The following ZFHX3 variants were observed in gnomAD, a reference collection of about 807,000 sequenced individuals.
ZFHX3 encodes zinc finger homeobox 3.
Under a neutral mutation model 279.1 loss-of-function variants are expected in ZFHX3, and 42 were observed. That is an observed-to-expected ratio of 0.15 (90% CI 0.12 to 0.19). The LOEUF is 0.19. Among genes scored for constraint, ZFHX3 ranks in the 10% least tolerant of loss-of-function variants. The pLI, the probability that ZFHX3 is intolerant of heterozygous loss-of-function variation, is 1.00. For missense variants in ZFHX3, 4,981 were observed against 4,754.0 expected (o/e 1.05, Z -1.40); for synonymous variants, 2,293 against 1,957.8 (o/e 1.17, Z -4.52).
At chr16:73,719,318 C>T (rs1180939850) in intron 1 of ZFHX3, among the ~76,000 whole-genome samples, 2 of 152,186 alleles carry the variant, frequency 1.3e-5, no homozygotes, top group Non-Finnish European at 2.9e-5. Context: ...TGTCTCTTCT[C>T]ACGCTGGCCC....
chr16:73,453,401 C>T (rs531429464), intron 3 of ZFHX3, among the ~76,000 whole-genome samples: 58 of 152,300 alleles, frequency 3.8e-4, no homozygotes, highest in African/African-American at 1.3e-3. Context: ...CCTCTTCCCT[C>T]AACATGGAAC....
At chr16:72,919,601 C>A (rs894545663) in intron 3 of ZFHX3, among the ~76,000 whole-genome samples, 1 of 151,768 alleles carries the variant, frequency 6.6e-6, no homozygotes, top group Non-Finnish European at 1.5e-5. Context: ...ATGTATAAAT[C>A]ATCACATTCT....
At chr16:73,692,180 C>A (rs1381659702) in intron 1 of ZFHX3, among the ~76,000 whole-genome samples, 2 of 152,130 alleles carry the variant, frequency 1.3e-5, no homozygotes, top group Non-Finnish European at 2.9e-5. Context: ...TGATTCTGTC[C>A]TGGACTTAGT....
intron 2 of ZFHX3, among the ~76,000 whole-genome samples, chr16:73,611,081 TTC>T (rs752988234): frequency 1.1e-3 from 168 of 152,338 alleles, no homozygotes; most frequent in Non-Finnish European, 1.5e-3. Flanking sequence ...GATTAAACCT[TTC>T]TGTTTGTTTG....
chr16:73,265,529 C>G (rs1020508602), intron 4 of ZFHX3, among the ~76,000 whole-genome samples: 2 of 152,094 alleles, frequency 1.3e-5, no homozygotes, highest in Non-Finnish European at 2.9e-5. Context: ...TTGGAATAAG[C>G]TGAGATGCAT....
At chr16:73,783,003 C>T (rs1053249880) in intron 1 of ZFHX3, among the ~76,000 whole-genome samples, 5 of 152,186 alleles carry the variant, frequency 3.3e-5, no homozygotes, top group Non-Finnish European at 5.9e-5. Context: ...TCCCCAACTT[C>T]AGATGCTGGG....
At chr16:73,078,848 C>G (rs188277281) in intron 8 of ZFHX3, among the ~76,000 whole-genome samples, 84 of 151,724 alleles carry the variant, frequency 5.5e-4, no homozygotes, top group African/African-American at 1.7e-3. Flanking sequence ...GTTTCACCAT[C>G]TTAGCCAGGA....
chr16:73,124,970 A>G (rs111391441), intron 7 of ZFHX3, among the ~76,000 whole-genome samples: 4,931 of 152,218 alleles, frequency 0.032, 284 homozygotes, highest in African/African-American at 0.11. Context: ...GCCAAACCCA[A>G]CTGGAAGCCA....
chr16:73,326,123 G>T (rs1270504660), intron 3 of ZFHX3, among the ~76,000 whole-genome samples: 1 of 152,208 alleles, frequency 6.6e-6, no homozygotes, highest in African/African-American at 2.4e-5. Context: ...AGGCTGAGCG[G>T]CATGCCCATG....
chr16:73,124,218 C>T (rs1320558434), intron 7 of ZFHX3, among the ~76,000 whole-genome samples: 1 of 152,102 alleles, frequency 6.6e-6, no homozygotes, highest in Non-Finnish European at 1.5e-5. Context: ...ATATATTTGT[C>T]CCAGTTCTGG....
intron 1 of ZFHX3, among the ~76,000 whole-genome samples, chr16:73,798,062 G>A (rs1000800608): frequency 6.6e-6 from 1 of 151,896 alleles, no homozygotes; most frequent in African/African-American, 2.4e-5. Flanking sequence ...ACCTGCCTTG[G>A]CCTCTCAAAG....
intron 5 of ZFHX3, among the ~76,000 whole-genome samples, chr16:73,237,504 T>A: frequency 6.7e-6 from 1 of 150,272 alleles, no homozygotes; most frequent in East Asian, 2.0e-4. Context: ...GCTGGAATTA[T>A]GGGTGTGAGC....
intron 5 of ZFHX3, among the ~76,000 whole-genome samples, chr16:73,173,196 AG>A (rs1372441984): frequency 6.6e-6 from 1 of 151,426 alleles, no homozygotes; most frequent in Non-Finnish European, 1.5e-5. Flanking sequence ...GACTGAGGGG[AG>A]GCTTTTAAAG....
Position 73,669,393 on chromosome 16 carries a change from T to A in ZFHX3, c.-1547+10787A>T, listed in dbSNP as rs192208947. Among the ~76,000 whole-genome samples the A allele has an allele frequency of 2.6e-5, 4 of 152,296 alleles. No individual in the cohort carries two copies. The East Asian group carries it at 7.7e-4, about 29-fold the overall frequency. On this transcript the variant is annotated intron_variant, in intron 2 of 17. Coordinates refer to the ZFHX3 transcript ENST00000641206. ...CTAATGTGGATCTGGTTTAACTGAA[T>A]TCAACTGGAGAAACTCCCACGTGAT...
intron 2 of ZFHX3, among the ~76,000 whole-genome samples, chr16:73,623,362 C>G (rs1387255338): frequency 6.6e-6 from 1 of 152,118 alleles, no homozygotes; most frequent in Non-Finnish European, 1.5e-5. Flanking sequence ...TGAAGTGCAA[C>G]ATATTTTTTT....
chr16:72,863,005 G>C (rs550653595), intron 4 of ZFHX3, among the ~76,000 whole-genome samples: 1 of 152,278 alleles, frequency 6.6e-6, no homozygotes, highest in Admixed American at 6.5e-5. Context: ...AGCACTTTGG[G>C]AGGCCAAGGT....
At position 73,793,460 on chromosome 16, in the gene ZFHX3, G is replaced by A. The variant is rs138274453; in HGVS notation, c.-1608+98191C>T. ...GCTTCAATGTCAGCATCTGTGCCTG[G>A]TACCTTGATGCAAGCCAACATATCT... is the stretch of plus-strand genomic sequence containing the variant. On this transcript the variant is annotated intron_variant, in intron 1 of 17. Transcript: ENST00000641206. Among the ~76,000 whole-genome samples, 252 of 152,316 alleles carry A rather than the reference G, an allele frequency of 1.7e-3. 1 individual carries two copies. Among genetic ancestry groups the A allele is most frequent in the African/African-American group, 5.7e-3 (236 of 41,592 alleles).
At position 72,787,692 on chromosome 16, in the gene ZFHX3, C is replaced by CGAGCCG. The variant is rs1431378198; in HGVS notation, c.10578_10583dup (p.Gly3527_Ser3528dup). On this transcript the variant is annotated inframe_insertion, in exon 10 of 10. Coordinates refer to ENST00000268489, the MANE Select transcript of ZFHX3 (RefSeq NM_006885.4). The stretch of plus-strand genomic sequence containing the variant: ...CGCTCTCGCACGCCAGGCAGTGGTA[C>CGAGCCG]GAGCCGCCGCCGCCGCCGCCGCCGC... 2.1e-6 allele frequency: 3 copies of CGAGCCG among 1,442,036 alleles called. No individual in the cohort carries two copies. The highest frequency in any genetic ancestry group is 2.7e-6 in the Non-Finnish European group (3 of 1,094,636). 89.3% of individuals were successfully genotyped at this position (1,442,036 alleles called of 1,614,324 possible).
intron 5 of ZFHX3, among the ~76,000 whole-genome samples, chr16:73,235,599 G>T (rs1366681625): frequency 2.0e-5 from 3 of 152,178 alleles, no homozygotes; most frequent in Non-Finnish European, 4.4e-5. Flanking sequence ...GGGAATAAAA[G>T]TTGTGCCATG....
Sources: allele counts gnomAD v4.1 joint callset (sites outside exome capture counted in the v4.1 genomes callset), GRCh38; gene constraint gnomAD v4.1.1; transcripts MANE v1.5; gene names NCBI Gene and HGNC (gene_info 2026-07-23, HGNC 2026-07-21).